Variants in NXPH1 observed in about 807,000 individuals in gnomAD.
NXPH1 encodes the protein neurexophilin 1.
A neutral mutation model predicts 23.7 loss-of-function variants in NXPH1; 5 were observed. That is an observed-to-expected ratio of 0.21 (90% CI 0.11 to 0.44). The LOEUF (loss-of-function observed/expected upper bound fraction) is 0.44. Ranked by LOEUF, NXPH1 falls within the 20% of genes least tolerant of loss-of-function variation. The pLI is 0.99. For synonymous variants in NXPH1, 144 were observed against 122.2 expected (o/e 1.18, Z -1.18); for missense variants, 324 against 321.6 (o/e 1.01, Z -0.06).
chr7:8,475,619 C>T (rs777622726), intron 2 of NXPH1, among the ~76,000 whole-genome samples: 1 of 152,124 alleles, frequency 6.6e-6, no homozygotes, highest in African/African-American at 2.4e-5. Context: ...GGACTGATTG[C>T]TGGGGAAAGT....
intron 2 of NXPH1, among the ~76,000 whole-genome samples, chr7:8,471,621 T>C (rs192701663): frequency 1.1e-4 from 17 of 152,266 alleles, no homozygotes; most frequent in Admixed American, 1.1e-3. Context: ...GATTCATCCA[T>C]GGCCTTCAAC....
chr7:8,560,780 C>A (rs1348358582), intron 2 of NXPH1, among the ~76,000 whole-genome samples: 1 of 151,658 alleles, frequency 6.6e-6, no homozygotes, highest in African/African-American at 2.4e-5. Context: ...GGTCAGGGGG[C>A]TTTTCTTTGG....
intron 2 of NXPH1, among the ~76,000 whole-genome samples, chr7:8,549,597 C>A (rs1216859735): frequency 2.6e-5 from 4 of 151,432 alleles, no homozygotes; most frequent in African/African-American, 9.7e-5. Context: ...CAGACCCAGC[C>A]CCCAATATTA....
chr7:8,584,057 G>A (rs1017959168), intron 2 of NXPH1, among the ~76,000 whole-genome samples: 11 of 152,140 alleles, frequency 7.2e-5, no homozygotes, highest in Non-Finnish European at 1.3e-4. Context: ...ACTATGCATT[G>A]GATGCTGTTC....
At chr7:8,746,970 T>C (rs1035845435) in intron 2 of NXPH1, among the ~76,000 whole-genome samples, 7 of 152,108 alleles carry the variant, frequency 4.6e-5, no homozygotes, top group Non-Finnish European at 7.4e-5. Flanking sequence ...ATAATTTACA[T>C]AAAATATTAT....
intron 2 of NXPH1, among the ~76,000 whole-genome samples, chr7:8,736,037 G>C (rs1780248732): frequency 6.6e-6 from 1 of 150,928 alleles, no homozygotes; most frequent in South Asian, 2.1e-4. Flanking sequence ...TTCTTTATTT[G>C]TCTTCCTAGC....
chr7:8,600,935 GT>G (rs1025581936), intron 2 of NXPH1, among the ~76,000 whole-genome samples: 1 of 144,256 alleles, frequency 6.9e-6, no homozygotes, highest in Non-Finnish European at 1.5e-5. Flanking sequence ...TTTTTTTTTT[GT>G]TTTACTATTG....
chr7:8,501,447 C>T (rs1008710272), intron 2 of NXPH1, among the ~76,000 whole-genome samples: 1 of 151,964 alleles, frequency 6.6e-6, no homozygotes, highest in African/African-American at 2.4e-5. Context: ...ATTCCTGGGT[C>T]CATTCATGAC....
intron 2 of NXPH1, among the ~76,000 whole-genome samples, chr7:8,747,765 A>ATG (rs980334175): frequency 1.4e-4 from 20 of 146,194 alleles, no homozygotes; most frequent in African/African-American, 5.3e-4. Flanking sequence ...GATTTTATTC[A>ATG]CGCACACACA....
At chr7:8,569,788 A>C (rs997629476) in intron 2 of NXPH1, among the ~76,000 whole-genome samples, 2 of 151,854 alleles carry the variant, frequency 1.3e-5, no homozygotes, top group African/African-American at 4.8e-5. Flanking sequence ...GATATTCTGT[A>C]GGTTCCCACA....
chr7:8,707,623 C>T (rs977959393), intron 2 of NXPH1, among the ~76,000 whole-genome samples: 4 of 151,942 alleles, frequency 2.6e-5, no homozygotes, highest in Non-Finnish European at 4.4e-5. Context: ...CATACAGATC[C>T]ATCAGGATCT....
chr7:8,696,397 G>T (rs1424752336), intron 2 of NXPH1, among the ~76,000 whole-genome samples: 2 of 152,104 alleles, frequency 1.3e-5, no homozygotes, highest in African/African-American at 4.8e-5. Context: ...ATTCTGAGGA[G>T]GAGTATTACT....
chr7:8,587,764 C>G (rs960703586), intron 2 of NXPH1, among the ~76,000 whole-genome samples: 4 of 152,074 alleles, frequency 2.6e-5, no homozygotes, highest in Non-Finnish European at 4.4e-5. Context: ...TGTTAATTTG[C>G]TGAGAATGAT....
At chr7:8,451,338 C>T (rs1816503715) in intron 2 of NXPH1, among the ~76,000 whole-genome samples, 2 of 152,130 alleles carry the variant, frequency 1.3e-5, no homozygotes, top group South Asian at 2.1e-4. Context: ...ATTTTGATCG[C>T]TAATGACTTT....
intron 2 of NXPH1, among the ~76,000 whole-genome samples, chr7:8,447,355 G>T (rs1417399454): frequency 6.6e-6 from 1 of 152,206 alleles, no homozygotes; most frequent in Non-Finnish European, 1.5e-5. Context: ...GCATGTGAAA[G>T]GAAGTTATTC....
At chr7:8,689,107 A>G (rs1821189965) in intron 2 of NXPH1, among the ~76,000 whole-genome samples, 1 of 152,124 alleles carries the variant, frequency 6.6e-6, no homozygotes, top group South Asian at 2.1e-4. Context: ...TGTGCCATTC[A>G]TTATCTAATT....
chr7:8,702,986 T>C (rs1361660466), intron 2 of NXPH1, among the ~76,000 whole-genome samples: 3 of 152,140 alleles, frequency 2.0e-5, no homozygotes, highest in Non-Finnish European at 4.4e-5. Context: ...CTTCATTAGA[T>C]GGCCTCCTGT....
chr7:8,682,538 A>G (rs1378405608), intron 2 of NXPH1, among the ~76,000 whole-genome samples: 1 of 152,208 alleles, frequency 6.6e-6, no homozygotes, highest in Non-Finnish European at 1.5e-5. Context: ...AGGTCATACA[A>G]ATAAGAGGCA....
At chr7:8,486,440 TAAG>T (rs1360016499) in intron 2 of NXPH1, among the ~76,000 whole-genome samples, 3 of 152,194 alleles carry the variant, frequency 2.0e-5, no homozygotes, top group Non-Finnish European at 4.4e-5. Flanking sequence ...CCTTTACTTG[TAAG>T]AATCATTTGG....
Sources: allele counts gnomAD v4.1 joint callset (sites outside exome capture counted in the v4.1 genomes callset), GRCh38; gene constraint gnomAD v4.1.1; transcripts MANE v1.5; gene names NCBI Gene and HGNC (gene_info 2026-07-23, HGNC 2026-07-21).